The following RABGAP1L variants were observed in gnomAD, a reference collection of about 807,000 sequenced individuals.
RABGAP1L encodes the protein rab GTPase-activating protein 1-like.
In RABGAP1L, 63 loss-of-function variants were observed where a neutral mutation model predicts 137.7. That is an observed-to-expected ratio of 0.46 (90% CI 0.37 to 0.56). RABGAP1L has a LOEUF of 0.56. Ranked by LOEUF, RABGAP1L falls within the 20% of genes least tolerant of loss-of-function variation. RABGAP1L has a pLI of 0.00. For synonymous variants in RABGAP1L, 431 were observed against 433.7 expected (o/e 0.99, Z 0.08); for missense variants, 1,095 against 1,244.0 (o/e 0.88, Z 1.80).
At chr1:174,311,279 C>T (rs1678820507) in intron 11 of RABGAP1L, among the ~76,000 whole-genome samples, 2 of 152,204 alleles carry the variant, frequency 1.3e-5, no homozygotes, top group African/African-American at 4.8e-5. Flanking sequence ...AAGGGAAGAG[C>T]CCCCTTATAA....
In RABGAP1L at chr1:174,448,770, G is replaced by A. The variant is rs1352757472; in HGVS notation, c.1710+54625G>A. On this transcript the variant is annotated intron_variant, in intron 13 of 25. Transcript: ENST00000681986. This position sits in a 1 kb window ranked among gnomAD's most constrained non-coding sequence, Gnocchi z 4.2. ...TATGCTCCTGCTGCCTTTGTTGTCTGCTTCACTTACTTCCACATTTTCAAA... is the reference window on the plus strand; with the variant it reads ...TATGCTCCTGCTGCCTTTGTTGTCTACTTCACTTACTTCCACATTTTCAAA... The A allele has an allele frequency of 6.2e-7, 1 of 1,613,814 alleles. No individual in the cohort carries two copies. The highest frequency in any genetic ancestry group is 1.7e-5 in the Admixed American group (1 of 60,014).
intron 17 of RABGAP1L, among the ~76,000 whole-genome samples, chr1:174,750,621 G>A (rs1033716888): frequency 1.3e-5 from 2 of 152,144 alleles, no homozygotes; most frequent in Non-Finnish European, 2.9e-5. Context: ...GTTTCCAAAG[G>A]CTACCATGAA....
At chr1:174,714,127 T>A (rs1680808572) in intron 17 of RABGAP1L, among the ~76,000 whole-genome samples, 1 of 152,162 alleles carries the variant, frequency 6.6e-6, no homozygotes, top group South Asian at 2.1e-4. Flanking sequence ...TTCTGGAACA[T>A]TGAAAACATT....
At chr1:174,507,252 A>G (rs1374450415) in intron 13 of RABGAP1L, among the ~76,000 whole-genome samples, 2 of 152,190 alleles carry the variant, frequency 1.3e-5, no homozygotes, top group African/African-American at 4.8e-5. Flanking sequence ...TTAAAACCAT[A>G]TACATGTATT....
chr1:174,241,733 G>T (rs1161608938), intron 5 of RABGAP1L, 76 bp downstream of exon 5: 21 of 1,151,508 alleles, frequency 1.8e-5, no homozygotes, highest in Non-Finnish European at 2.4e-5. Context: ...TTTCACTGTT[G>T]TATAAATATG....
intron 13 of RABGAP1L, among the ~76,000 whole-genome samples, chr1:174,622,614 A>G (rs1323843057): frequency 6.6e-6 from 1 of 152,158 alleles, no homozygotes; most frequent in Non-Finnish European, 1.5e-5. Flanking sequence ...ACAGAAAACC[A>G]AACACCGCAT....
At chr1:174,215,664 A>T (rs1669245936) in intron 1 of RABGAP1L, among the ~76,000 whole-genome samples, 1 of 152,146 alleles carries the variant, frequency 6.6e-6, no homozygotes, top group African/African-American at 2.4e-5. Context: ...TCAAAAGTCA[A>T]GCATTAACAA....
At chr1:174,172,208 G>A (rs1665466258) in intron 1 of RABGAP1L, among the ~76,000 whole-genome samples, 1 of 124,790 alleles carries the variant, frequency 8.0e-6, no homozygotes. Context: ...GTGTGTGTGT[G>A]TGTGTGTGTA....
intron 10 of RABGAP1L, among the ~76,000 whole-genome samples, chr1:174,294,764 G>C (rs982999841): frequency 4.6e-5 from 7 of 152,122 alleles, no homozygotes; most frequent in Non-Finnish European, 7.4e-5. Context: ...AGATAAACAA[G>C]ATTTGGTGTC....
chr1:174,710,162 G>T (rs1680370192), intron 17 of RABGAP1L, among the ~76,000 whole-genome samples: 1 of 152,166 alleles, frequency 6.6e-6, no homozygotes, highest in Non-Finnish European at 1.5e-5. Flanking sequence ...ATATGGGACT[G>T]GGAAAAGACC....
intron 10 of RABGAP1L, among the ~76,000 whole-genome samples, chr1:174,291,852 G>C (rs1328106171): frequency 6.6e-6 from 1 of 151,200 alleles, no homozygotes; most frequent in African/African-American, 2.4e-5. Flanking sequence ...GTAGAAGTCT[G>C]TAACTTATTG....
chr1:174,383,356 A>C (rs1205777318), intron 12 of RABGAP1L, among the ~76,000 whole-genome samples: 1 of 151,838 alleles, frequency 6.6e-6, no homozygotes, highest in East Asian at 1.9e-4. Flanking sequence ...TACCTAAGCA[A>C]GCCTGGGCAA....
rs185769120 is a variant in RABGAP1L at position 174,199,595 on chromosome 1, A to G, written c.-33-19530A>G. Among the ~76,000 whole-genome samples, 419 of 152,290 alleles carry G rather than the reference A, an allele frequency of 2.8e-3. 5 individuals carry two copies. Among genetic ancestry groups the G allele is most frequent in the African/African-American group, 9.6e-3 (401 of 41,558 alleles). On this transcript the variant is annotated intron_variant, in intron 1 of 25. Coordinates refer to ENST00000681986, the MANE Select transcript of RABGAP1L (RefSeq NM_001366446.1). ...ATGTGAGCCACCATGCCCGGCCCAT[A>G]CATTGTTTTTCAATTCTAAAACATT...
chr1:174,681,741 CTG>C (rs60503449), intron 14 of RABGAP1L, among the ~76,000 whole-genome samples: 11,894 of 152,232 alleles, frequency 0.078, 639 homozygotes, highest in East Asian at 0.31. Flanking sequence ...GTTCCAGACT[CTG>C]TGCTCTGACA....
Position 174,403,247 on chromosome 1 carries a change from GTATATA to G in RABGAP1L, c.1710+9106_1710+9111del, listed in dbSNP as rs144746133. Among the ~76,000 whole-genome samples the G allele has an allele frequency of 1.3e-3, 172 of 129,400 alleles. 1 individual carries two copies. Among genetic ancestry groups the G allele is most frequent in the African/African-American group, 4.6e-3 (149 of 32,168 alleles). The allele number at this position is 129,400 out of a possible 152,430, so 84.9% of individuals were successfully genotyped here. On this transcript the variant is annotated intron_variant, in intron 13 of 25. Coordinates refer to ENST00000681986, the MANE Select transcript of RABGAP1L (RefSeq NM_001366446.1). ...TGTGTGTGTGTGTGTGTGTGTGTGT[GTATATA>G]TATGTGTATACCATTTCTTTTCTTC...
chr1:174,327,644 C>G (rs1277202460), intron 11 of RABGAP1L, among the ~76,000 whole-genome samples: 1 of 151,766 alleles, frequency 6.6e-6, no homozygotes, highest in Non-Finnish European at 1.5e-5. Context: ...AAGTCTTTAC[C>G]TATTAATAAT....
At chr1:174,492,369 A>G (rs557230635) in intron 13 of RABGAP1L, among the ~76,000 whole-genome samples, 300 of 127,084 alleles carry the variant, frequency 2.4e-3, no homozygotes, top group Non-Finnish European at 3.7e-3. Flanking sequence ...TTTTTTTGAG[A>G]TGGAGTCTCG....
intron 11 of RABGAP1L, among the ~76,000 whole-genome samples, chr1:174,326,093 C>T (rs1310658190): frequency 6.6e-6 from 1 of 152,170 alleles, no homozygotes; most frequent in Non-Finnish European, 1.5e-5. Flanking sequence ...TGATCACAAA[C>T]AAACCTAGAC....
intron 14 of RABGAP1L, among the ~76,000 whole-genome samples, chr1:174,678,494 A>G (rs948166930): frequency 6.6e-6 from 1 of 152,230 alleles, no homozygotes; most frequent in Non-Finnish European, 1.5e-5. Flanking sequence ...TAACAAACTT[A>G]ATACGGTAAT....
Sources: allele counts gnomAD v4.1 joint callset (sites outside exome capture counted in the v4.1 genomes callset), GRCh38; gene constraint gnomAD v4.1.1; non-coding constraint Gnocchi (gnomAD v3.1); transcripts MANE v1.5; gene names NCBI Gene and HGNC (gene_info 2026-07-23, HGNC 2026-07-21).